Variants in ADAMTS20 observed in about 807,000 individuals in gnomAD.
The protein encoded by ADAMTS20 is ADAM metallopeptidase with thrombospondin type 1 motif 20.
Under a neutral mutation model 260.1 loss-of-function variants are expected in ADAMTS20, and 225 were observed. The ratio of observed to expected loss-of-function variants is 0.87; its 90% CI spans 0.78 to 0.97. The LOEUF is 0.97. Ranked by LOEUF, ADAMTS20 falls within the 50% of genes least tolerant of loss-of-function variation. The pLI is 0.00. For synonymous variants in ADAMTS20, 802 were observed against 769.5 expected, an observed-to-expected ratio of 1.04 and a Z score of -0.70; for missense variants, 2,400 against 2,337.7, an observed-to-expected ratio of 1.03 and a Z score of -0.55.
intron 4 of ADAMTS20, among the ~76,000 whole-genome samples, chr12:43,500,010 C>CCACCCA (rs1271220139): frequency 6.9e-6 from 1 of 144,570 alleles, no homozygotes; most frequent in East Asian, 2.2e-4. Flanking sequence ...AGTATCTCTC[C>CCACCCA]CACCCAACTT....
Position 43,550,894 on chromosome 12 carries a change from C to T in ADAMTS20, c.453+15G>A. On this transcript the variant is annotated intron_variant, in intron 2 of 38. Coordinates refer to ENST00000389420, the MANE Select transcript of ADAMTS20 (RefSeq NM_025003.5). ...TGGATCCCAAGAAAATGCCAAGGGA[C>T]CCGAGGACACTCACCAGGCCTCCGC... 4 of 1,521,798 alleles carry T rather than the reference C, an allele frequency of 2.6e-6. 1 individual carries two copies. In the South Asian group the frequency reaches 5.2e-5, roughly 20 times the overall value. The allele number at this position is 1,521,798 out of a possible 1,614,324, so 94.3% of individuals were successfully genotyped here. A position where few individuals can be genotyped will look rare whatever the true frequency, so the allele number is the denominator to read the frequency against.
In ADAMTS20 at chr12:43,425,651, C is replaced by A; in HGVS notation, c.4147G>T (p.Val1383Leu). 6.2e-7 allele frequency: 1 copy of A among 1,607,644 alleles called. No individual in the cohort carries two copies. Among genetic ancestry groups the A allele is most frequent in the Non-Finnish European group, 8.5e-7 (1 of 1,176,348 alleles). ...TCGGGIKSRLVICQFPNGQIL... is the reference protein window; with the variant it reads ...TCGGGIKSRLLICQFPNGQIL... ...TGGCCATTGGGAAATTGACATATTA[C>A]AAGTCTTGATTTTATTCCTCCTCCA... The change falls in exon 28 of 39, where the codon GTA becomes TTA. Residue 1383 changes from valine to leucine, a missense_variant. By Grantham distance (32) the Val-to-Leu change is conservative (BLOSUM62 1). Coordinates refer to ENST00000389420, the MANE Select transcript of ADAMTS20 (RefSeq NM_025003.5).
At chr12:43,425,305 T>C (rs769090649) in intron 28 of ADAMTS20, among the ~76,000 whole-genome samples, 13 of 152,144 alleles carry the variant, frequency 8.5e-5, no homozygotes, top group Non-Finnish European at 1.9e-4. Context: ...AGCTAGCTAA[T>C]GGATGCCGTG....
chr12:43,497,354 C>A (rs1333562600), intron 4 of ADAMTS20, among the ~76,000 whole-genome samples: 1 of 152,088 alleles, frequency 6.6e-6, no homozygotes, highest in African/African-American at 2.4e-5. Flanking sequence ...AAAATAATTT[C>A]TAGATAGAGC....
chr12:43,383,231 T>C (rs1940392754), intron 31 of ADAMTS20, among the ~76,000 whole-genome samples: 1 of 152,212 alleles, frequency 6.6e-6, no homozygotes, highest in Non-Finnish European at 1.5e-5. Flanking sequence ...TGAATATATT[T>C]AGTTTATGGT....
chr12:43,507,117 C>T (rs931780228), intron 3 of ADAMTS20, among the ~76,000 whole-genome samples: 1 of 152,154 alleles, frequency 6.6e-6, no homozygotes, highest in African/African-American at 2.4e-5. Flanking sequence ...TCACCACACA[C>T]ATACAAATTG....
chr12:43,453,819 C>T, intron 12 of ADAMTS20, 88 bp downstream of exon 12: 2 of 1,438,652 alleles, frequency 1.4e-6, no homozygotes, highest in Non-Finnish European at 1.9e-6. Context: ...TACGGACTGA[C>T]CTCCAGTTTT....
intron 37 of ADAMTS20, among the ~76,000 whole-genome samples, chr12:43,368,489 C>T (rs1269406523): frequency 1.3e-5 from 2 of 151,982 alleles, no homozygotes; most frequent in Non-Finnish European, 2.9e-5. Flanking sequence ...CTAATATAAG[C>T]GTAACTTAGA....
chr12:43,437,535 C>T (rs1941579879), intron 18 of ADAMTS20, among the ~76,000 whole-genome samples: 1 of 152,074 alleles, frequency 6.6e-6, no homozygotes, highest in African/African-American at 2.4e-5. Context: ...ACAAGCATGA[C>T]AAGCATGAAA....
At chr12:43,497,747 G>A (rs900297024) in intron 4 of ADAMTS20, among the ~76,000 whole-genome samples, 1 of 151,868 alleles carries the variant, frequency 6.6e-6, no homozygotes, top group Non-Finnish European at 1.5e-5. Context: ...TGCAAATGAG[G>A]GTTTTTAGTT....
chr12:43,451,273 A>G (rs1029415219), intron 14 of ADAMTS20, among the ~76,000 whole-genome samples: 1 of 152,152 alleles, frequency 6.6e-6, no homozygotes, highest in Non-Finnish European at 1.5e-5. Context: ...GACCACATTC[A>G]CTATCTTAGT....
intron 2 of ADAMTS20, among the ~76,000 whole-genome samples, chr12:43,545,666 G>T (rs1410691639): frequency 6.6e-6 from 1 of 152,104 alleles, no homozygotes; most frequent in Non-Finnish European, 1.5e-5. Context: ...ACCTGTTCTC[G>T]AGAGCCATAG....
At chr12:43,450,458 T>C (rs1565554434) in intron 14 of ADAMTS20, among the ~76,000 whole-genome samples, 1 of 152,208 alleles carries the variant, frequency 6.6e-6, no homozygotes. Flanking sequence ...ATCTTCATCA[T>C]AACTTTTGCA....
intron 21 of ADAMTS20, among the ~76,000 whole-genome samples, chr12:43,431,743 A>G (rs1280751745): frequency 6.6e-6 from 1 of 152,208 alleles, no homozygotes; most frequent in Non-Finnish European, 1.5e-5. Flanking sequence ...TAGAATAAGT[A>G]TTCATCCCAG....
intron 11 of ADAMTS20, 126 bp downstream of exon 11, chr12:43,462,769 C>A (rs1942085761): frequency 2.9e-6 from 2 of 685,476 alleles, no homozygotes; most frequent in East Asian, 2.8e-5. Context: ...ACAAACATGG[C>A]AATAACATTA....
intron 29 of ADAMTS20, among the ~76,000 whole-genome samples, chr12:43,393,390 A>G (rs1390705263): frequency 6.6e-6 from 1 of 152,010 alleles, no homozygotes. Context: ...CAATCCAGAC[A>G]GTTCATAAAT....
chr12:43,491,007 A>G (rs1273078894), intron 6 of ADAMTS20, among the ~76,000 whole-genome samples: 1 of 152,066 alleles, frequency 6.6e-6, no homozygotes, highest in African/African-American at 2.4e-5. Context: ...TATATATAAC[A>G]TAATACTATG....
intron 11 of ADAMTS20, 26 bp downstream of exon 11, chr12:43,462,869 A>C (rs771120797): frequency 6.4e-7 from 1 of 1,556,188 alleles, no homozygotes; most frequent in African/African-American, 1.4e-5. Context: ...ATCTTCATAC[A>C]AGACTCACCC....
chr12:43,424,478 T>C (rs1346776927), intron 28 of ADAMTS20, among the ~76,000 whole-genome samples: 4 of 152,260 alleles, frequency 2.6e-5, no homozygotes, highest in South Asian at 4.1e-4. Context: ...TGTAAAAAAC[T>C]GTAAACAAGT....
Sources: gnomAD v4.1 joint callset for allele counts (sites outside exome capture counted in the v4.1 genomes callset) on GRCh38, gnomAD v4.1.1 for gene constraint, MANE v1.5 for transcripts, NCBI Gene and HGNC (gene_info 2026-07-23, HGNC 2026-07-21) for gene names.